Variants in EPHA4 observed in about 807,000 individuals in gnomAD.
EPHA4 encodes ephrin type-A receptor 4.
In EPHA4, 19 loss-of-function variants were observed where a neutral mutation model predicts 108.3. The observed-to-expected ratio is 0.18, with a 90% confidence interval of 0.12 to 0.26. The LOEUF is 0.26. Among genes scored for constraint, EPHA4 ranks in the 10% least tolerant of loss-of-function variants. EPHA4 has a pLI of 1.00. For missense variants in EPHA4, 917 were observed against 1,254.0 expected, an observed-to-expected ratio of 0.73 and a Z score of 4.06; for synonymous variants, 449 against 455.5, an observed-to-expected ratio of 0.99 and a Z score of 0.18.
chr2:221,446,112 A>T lies in EPHA4; in HGVS notation c.1774+11T>A, dbSNP rs771055487. 5 of 1,527,692 alleles carry T rather than the reference A, an allele frequency of 3.3e-6. No individual in the cohort carries two copies. The South Asian group carries it at 5.4e-5, about 16-fold the overall frequency. The allele number at this position is 1,527,692 out of a possible 1,614,324, so 94.6% of individuals were successfully genotyped here. The stretch of plus-strand genomic sequence containing the variant: ...TCTAAAAATAGAATTTTTTAATCCA[A>T]TTTTTTGTACCTTGATTCAAATGTT... On this transcript the variant is annotated intron_variant, in intron 9 of 17. Coordinates refer to ENST00000281821, the MANE Select transcript of EPHA4 (RefSeq NM_004438.5).
chr2:221,444,772 T>C (rs113106272), intron 9 of EPHA4, among the ~76,000 whole-genome samples: 6,658 of 115,412 alleles, frequency 0.058, 392 homozygotes, highest in African/African-American at 0.17. Context: ...TTTTTTTTTT[T>C]CTGGAGACAG....
intron 15 of EPHA4, among the ~76,000 whole-genome samples, chr2:221,428,858 T>C (rs1158155128): frequency 6.6e-6 from 1 of 152,230 alleles, no homozygotes; most frequent in East Asian, 1.9e-4. Context: ...GAAAACCTGG[T>C]GGAGAATATA....
chr2:221,455,791 G>T, intron 7 of EPHA4, 133 bp from the exon 8 acceptor site: 1 of 675,870 alleles, frequency 1.5e-6, no homozygotes, highest in Non-Finnish European at 2.6e-6. Context: ...AGAAAGGGCA[G>T]CAGTTTTGAA....
chr2:221,500,633 C>T (rs1462113967), intron 4 of EPHA4, among the ~76,000 whole-genome samples: 1 of 152,150 alleles, frequency 6.6e-6, no homozygotes, highest in East Asian at 1.9e-4. Context: ...CTGTCCTTTA[C>T]AGACTGAAAC....
intron 14 of EPHA4, among the ~76,000 whole-genome samples, chr2:221,432,133 TTA>T (rs1690094894): frequency 1.4e-5 from 2 of 145,684 alleles, no homozygotes; most frequent in South Asian, 2.1e-4. Context: ...TATTGTTTTT[TTA>T]TATATATGTG....
chr2:221,570,326 C>CAA (rs575235831), intron 1 of EPHA4, among the ~76,000 whole-genome samples: 7 of 103,124 alleles, frequency 6.8e-5, no homozygotes, highest in Admixed American at 3.8e-4. Flanking sequence ...CCCCCCCCCC[C>CAA]AAAAAAAGAG....
At chr2:221,461,291 A>T (rs952586553) in intron 5 of EPHA4, among the ~76,000 whole-genome samples, 1 of 152,208 alleles carries the variant, frequency 6.6e-6, no homozygotes. Flanking sequence ...TTGGTAAACA[A>T]TGCCTAACCC....
intron 5 of EPHA4, among the ~76,000 whole-genome samples, chr2:221,476,580 C>T (rs1691658400): frequency 6.6e-6 from 1 of 152,226 alleles, no homozygotes; most frequent in Non-Finnish European, 1.5e-5. Context: ...CCCTTAATCA[C>T]ACAATAGTTG....
intron 3 of EPHA4, among the ~76,000 whole-genome samples, chr2:221,513,266 C>T (rs1437771238): frequency 6.6e-6 from 1 of 152,140 alleles, no homozygotes; most frequent in African/African-American, 2.4e-5. Context: ...TTGCTCAGCT[C>T]CTCCATTTAT....
chr2:221,561,637 G>C (rs1480146388), intron 3 of EPHA4, among the ~76,000 whole-genome samples: 1 of 152,152 alleles, frequency 6.6e-6, no homozygotes, highest in African/African-American at 2.4e-5. Context: ...GATCCCCCAA[G>C]ACTATTTCCA....
intron 3 of EPHA4, among the ~76,000 whole-genome samples, chr2:221,520,537 CACACACAG>C (rs1306923309): frequency 0.061 from 2,181 of 35,920 alleles, 34 homozygotes; most frequent in African/African-American, 0.22. Flanking sequence ...CACACACACA[CACACACAG>C]AGAGAGAGAG....
rs538806182 is a variant in EPHA4, at chr2:221,571,743, T to G, written c.91+415A>C. ...AGAGCTCGAAAGGCTTTCGCTAGAA[T>G]CCGGGAGCACCAAGCCTTCACTGTG... On this transcript the variant is annotated intron_variant, in intron 1 of 17. Transcript: ENST00000281821. The surrounding 1 kb of genome is among the most constrained non-coding windows in gnomAD (Gnocchi z 6.3). Among the ~76,000 whole-genome samples the G allele has an allele frequency of 2.6e-5, 4 of 152,098 alleles. No individual in the cohort carries two copies. The highest frequency in any genetic ancestry group is 4.4e-5 in the Non-Finnish European group (3 of 68,026).
At chr2:221,558,496 C>T (rs1694365710) in intron 3 of EPHA4, among the ~76,000 whole-genome samples, 1 of 151,998 alleles carries the variant, frequency 6.6e-6, no homozygotes, top group Non-Finnish European at 1.5e-5. Context: ...ATCATGACCA[C>T]CCCTGCTTTG....
At chr2:221,448,963 T>G (rs1690683109) in intron 8 of EPHA4, among the ~76,000 whole-genome samples, 1 of 152,202 alleles carries the variant, frequency 6.6e-6, no homozygotes, top group Admixed American at 6.5e-5. Context: ...AAATACAAAA[T>G]GACAGGGGTC....
intron 4 of EPHA4, among the ~76,000 whole-genome samples, chr2:221,499,596 A>G (rs1042298520): frequency 1.9e-4 from 29 of 150,126 alleles, no homozygotes; most frequent in Non-Finnish European, 3.3e-4. Context: ...CCAGTGGCCC[A>G]AAGTGCTCAA....
chr2:221,506,837 C>G (rs1037296120), intron 3 of EPHA4, among the ~76,000 whole-genome samples: 1 of 152,054 alleles, frequency 6.6e-6, no homozygotes, highest in Admixed American at 6.6e-5. Context: ...AGATAGAAAA[C>G]AAATTTTTAC....
chr2:221,536,876 A>G (rs1693688202), intron 3 of EPHA4, among the ~76,000 whole-genome samples: 1 of 152,338 alleles, frequency 6.6e-6, no homozygotes, highest in Admixed American at 6.5e-5. Flanking sequence ...TGAAAAGAGG[A>G]TAATGACAGT....
chr2:221,559,288 G>T (rs1325182703), intron 3 of EPHA4, among the ~76,000 whole-genome samples: 2 of 152,186 alleles, frequency 1.3e-5, no homozygotes, highest in Non-Finnish European at 2.9e-5. Flanking sequence ...GACTCCAAAA[G>T]AATGTTTTTA....
chr2:221,464,267 A>T (rs531748642), intron 5 of EPHA4, among the ~76,000 whole-genome samples: 1 of 152,338 alleles, frequency 6.6e-6, no homozygotes, highest in South Asian at 2.1e-4. Flanking sequence ...TGCAAATAGC[A>T]TATTTAAATT....
Sources: allele counts gnomAD v4.1 joint callset (sites outside exome capture counted in the v4.1 genomes callset), GRCh38; gene constraint gnomAD v4.1.1; non-coding constraint Gnocchi (gnomAD v3.1); transcripts MANE v1.5; gene names NCBI Gene and HGNC (gene_info 2026-07-23, HGNC 2026-07-21).